DLGAP1: variants seen among roughly 807,000 people sequenced by gnomAD.
DLGAP1 encodes the protein DLG associated protein 1, also known as disks large-associated protein 1.
A neutral mutation model predicts 90.8 loss-of-function variants in DLGAP1; 11 were observed. The observed-to-expected ratio is 0.12, with a 90% CI of 0.08 to 0.20. DLGAP1 has a LOEUF of 0.20. DLGAP1 is among the 10% of genes least tolerant of loss of function. The probability of loss-of-function intolerance (pLI) is 1.00; values close to 1 mark genes in which losing one functional copy is unlikely to be tolerated. For missense variants in DLGAP1, 1,050 were observed against 1,333.8 expected (o/e 0.79, Z 3.31); for synonymous variants, 558 against 540.7 (o/e 1.03, Z -0.44).
At chr18:3,571,673 G>A (rs678908) in intron 8 of DLGAP1, among the ~76,000 whole-genome samples, 83,583 of 151,044 alleles carry the variant, frequency 0.55, 24,076 homozygotes, top group East Asian at 0.99. Flanking sequence ...GACTGCAGGC[G>A]CGTCCACCAT....
intron 2 of DLGAP1, among the ~76,000 whole-genome samples, chr18:4,095,306 A>G (rs1039981239): frequency 7.2e-5 from 11 of 152,174 alleles, no homozygotes; most frequent in Admixed American, 7.2e-4. Flanking sequence ...ACCTTCCCCA[A>G]TCAGGTACAC....
intron 1 of DLGAP1, among the ~76,000 whole-genome samples, chr18:4,299,876 T>G (rs1300263437): frequency 1.3e-5 from 2 of 152,152 alleles, no homozygotes; most frequent in Admixed American, 1.3e-4. Context: ...TACACGGCAC[T>G]CTAAGGAATC....
intron 4 of DLGAP1, among the ~76,000 whole-genome samples, chr18:3,844,859 C>A (rs776568191): frequency 3.9e-5 from 6 of 152,172 alleles, no homozygotes; most frequent in Non-Finnish European, 7.4e-5. Flanking sequence ...TCAATTTACA[C>A]TATATCATAG....
chr18:3,499,291 T>C lies in DLGAP1; in HGVS notation c.2828A>G (p.Lys943Arg), dbSNP rs2049804845. The change falls in exon 13 of 13, where the codon AAG becomes AGG. Residue 943 changes from lysine (K) to arginine (R), a missense_variant. Transcript: ENST00000315677. This position sits in a 1 kb window ranked among gnomAD's most constrained non-coding sequence, Gnocchi z 6.4. ...LESSQRQEAR[K>R]RLMAAKRAAS... ...GGCGCGCTTGGCGGCCATCAGGCGC[T>C]TGCGGGCCTCCTGGCGCTGCGAGCT... 1 of 1,592,008 alleles carries C rather than the reference T, an allele frequency of 6.3e-7. No individual in the cohort carries two copies.
At chr18:4,265,469 C>T (rs2079092563) in intron 1 of DLGAP1, among the ~76,000 whole-genome samples, 1 of 137,220 alleles carries the variant, frequency 7.3e-6, no homozygotes, top group South Asian at 2.2e-4. Flanking sequence ...GCACCCAGCC[C>T]CTTCCTTCCT....
Position 4,066,495 on chromosome 18 carries a change from C to T in DLGAP1, c.-158-61294G>A, listed in dbSNP as rs142836601. Among the ~76,000 whole-genome samples, 1,123 of 152,090 alleles carry T rather than the reference C, an allele frequency of 7.4e-3. 23 individuals are homozygous for T. Among genetic ancestry groups the T allele is most frequent in the Admixed American group, 0.034 (518 of 15,256 alleles). On this transcript the variant is annotated intron_variant, in intron 2 of 12. Coordinates refer to ENST00000315677, the MANE Select transcript of DLGAP1 (RefSeq NM_004746.4). Reference sequence around the variant, plus strand: ...CAAATTTACAAGAAAAAAACAACCCCATTAAAAAGTGGGCAAAAGACATGA... The same window carrying T: ...CAAATTTACAAGAAAAAAACAACCCTATTAAAAAGTGGGCAAAAGACATGA...
chr18:3,579,368 C>A (rs2055354783), intron 8 of DLGAP1, among the ~76,000 whole-genome samples: 1 of 152,140 alleles, frequency 6.6e-6, no homozygotes, highest in African/African-American at 2.4e-5. Flanking sequence ...GCGCCACCAC[C>A]CCCAGCTAAT....
At chr18:3,707,683 A>G (rs1261068184) in intron 7 of DLGAP1, among the ~76,000 whole-genome samples, 1 of 152,000 alleles carries the variant, frequency 6.6e-6, no homozygotes, top group Non-Finnish European at 1.5e-5. Flanking sequence ...ACTACACTGT[A>G]ATCGTGGATA....
chr18:3,757,023 ATAGTC>A, intron 5 of DLGAP1, among the ~76,000 whole-genome samples: 1 of 152,354 alleles, frequency 6.6e-6, no homozygotes, highest in Non-Finnish European at 1.5e-5. Flanking sequence ...GGTAATATCA[ATAGTC>A]TATCAACCCT....
intron 1 of DLGAP1, among the ~76,000 whole-genome samples, chr18:4,402,794 C>T (rs1052387961): frequency 6.6e-6 from 1 of 152,258 alleles, no homozygotes; most frequent in South Asian, 2.1e-4. Context: ...TGGAGTCTGG[C>T]TTATTTTTTT....
intron 3 of DLGAP1, among the ~76,000 whole-genome samples, chr18:3,974,411 T>G (rs2073526334): frequency 6.6e-6 from 1 of 152,250 alleles, no homozygotes; most frequent in Non-Finnish European, 1.5e-5. Flanking sequence ...TAAGATCTTT[T>G]AATTCAGGGC....
At position 4,084,923 on chromosome 18, in the gene DLGAP1, T is replaced by C. The variant is rs1255668557; in HGVS notation, c.-159+66257A>G. On this transcript the variant is annotated intron_variant, in intron 2 of 12. Coordinates refer to ENST00000315677, the MANE Select transcript of DLGAP1 (RefSeq NM_004746.4). The surrounding 1 kb of genome is among the most constrained non-coding windows in gnomAD (Gnocchi z 4.0). The stretch of plus-strand genomic sequence containing the variant: ...TTAAGTTTTGTTGTTTATGATTGAC[T>C]CTAAATCAAAGAGAGCATGCTGCAA... Among the ~76,000 whole-genome samples, 1 of 150,268 alleles carries C rather than the reference T, an allele frequency of 6.7e-6. No homozygotes were observed. The highest frequency in any genetic ancestry group is 1.5e-5 in the Non-Finnish European group (1 of 67,654).
At chr18:3,951,535 AT>A (rs912973892) in intron 3 of DLGAP1, among the ~76,000 whole-genome samples, 2 of 152,164 alleles carry the variant, frequency 1.3e-5, no homozygotes, top group African/African-American at 4.8e-5. Flanking sequence ...TATCCACTAA[AT>A]TTTTTTGTAA....
At chr18:4,363,785 G>A (rs1418139172) in intron 1 of DLGAP1, among the ~76,000 whole-genome samples, 3 of 152,264 alleles carry the variant, frequency 2.0e-5, no homozygotes, top group African/African-American at 7.2e-5. Context: ...TGGAGAAATA[G>A]GAACACTTTT....
At chr18:3,672,468 T>C (rs1275979686) in intron 7 of DLGAP1, among the ~76,000 whole-genome samples, 3 of 150,132 alleles carry the variant, frequency 2.0e-5, no homozygotes, top group Admixed American at 6.7e-5. Flanking sequence ...TCCCAGGTAC[T>C]CTGGAGGCTG....
rs529546928 is a variant in DLGAP1 at position 4,184,536 on chromosome 18, C to T, written c.-266-33249G>A. 2.0e-5 allele frequency among the ~76,000 whole-genome samples: 3 copies of T among 152,046 alleles called. No individual in the cohort carries two copies. The East Asian group carries it at 5.8e-4, about 29-fold the overall frequency. ...TTAAATCTATTCAATAAATCGGTAT[C>T]GTACATAACCCTCACAGACATGCCG... is the stretch of plus-strand genomic sequence containing the variant. On this transcript the variant is annotated intron_variant, in intron 1 of 12. Transcript: ENST00000315677.
chr18:3,809,623 A>C (rs2066730450), intron 5 of DLGAP1, among the ~76,000 whole-genome samples: 1 of 152,244 alleles, frequency 6.6e-6, no homozygotes, highest in Admixed American at 6.5e-5. Context: ...AAAATCTGTA[A>C]TATTATAGAC....
At chr18:3,939,354 T>C (rs542431261) in intron 3 of DLGAP1, among the ~76,000 whole-genome samples, 111 of 136,186 alleles carry the variant, frequency 8.2e-4, no homozygotes, top group African/African-American at 2.9e-3. Context: ...AAGGTGGAGG[T>C]TGTAGTGAGC....
At chr18:3,637,519 A>C (rs2058759893) in intron 7 of DLGAP1, among the ~76,000 whole-genome samples, 1 of 148,942 alleles carries the variant, frequency 6.7e-6, no homozygotes, top group Non-Finnish European at 1.5e-5. Flanking sequence ...GGATTGCCTG[A>C]GCCCAGGAGT....
Sources: allele counts gnomAD v4.1 joint callset (sites outside exome capture counted in the v4.1 genomes callset), GRCh38; gene constraint gnomAD v4.1.1; non-coding constraint Gnocchi (gnomAD v3.1); transcripts MANE v1.5; gene names NCBI Gene and HGNC (gene_info 2026-07-23, HGNC 2026-07-21).